CAPN5: variants seen among roughly 807,000 people sequenced by gnomAD.
CAPN5 encodes the protein calpain 5.
Under a neutral mutation model 73.0 loss-of-function variants are expected in CAPN5, and 54 were observed. That is an observed-to-expected ratio of 0.74 (90% CI 0.59 to 0.93). CAPN5 has a LOEUF of 0.93. CAPN5 is among the 40% of genes least tolerant of loss of function. The pLI is 0.00. For missense variants in CAPN5, 785 were observed against 882.9 expected (o/e 0.89, Z 1.41); for synonymous variants, 335 against 356.9 (o/e 0.94, Z 0.69).
At chr11:77,068,566 G>A (rs1591104561) in intron 1 of CAPN5, among the ~76,000 whole-genome samples, 1 of 152,286 alleles carries the variant, frequency 6.6e-6, no homozygotes, top group Admixed American at 6.5e-5. Flanking sequence ...ATGCTGGTGG[G>A]GTGGATTGCG....
intron 1 of CAPN5, among the ~76,000 whole-genome samples, chr11:77,077,408 C>G (rs1263759829): frequency 6.6e-6 from 1 of 151,742 alleles, no homozygotes; most frequent in Admixed American, 6.6e-5. Flanking sequence ...TATCTTTTGT[C>G]TTTTTTTAAT....
At chr11:77,071,215 C>G (rs527923601) in intron 1 of CAPN5, among the ~76,000 whole-genome samples, 8 of 152,202 alleles carry the variant, frequency 5.3e-5, no homozygotes, top group Non-Finnish European at 1.0e-4. Context: ...TGTCTGTCTC[C>G]CCTCCAGCCT....
chr11:77,116,020 G>T (rs997355529), intron 6 of CAPN5, among the ~76,000 whole-genome samples: 3 of 152,248 alleles, frequency 2.0e-5, no homozygotes, highest in African/African-American at 4.8e-5. Flanking sequence ...CCCTGTCATG[G>T]TGGCAGCTCA....
At chr11:77,111,882 A>G (rs1313835554) in intron 3 of CAPN5, among the ~76,000 whole-genome samples, 1 of 152,086 alleles carries the variant, frequency 6.6e-6, no homozygotes, top group Non-Finnish European at 1.5e-5. Flanking sequence ...ACACTAAAGG[A>G]CAAATGGAAG....
Position 77,123,909 on chromosome 11 carries a change from C to T in CAPN5, c.*39C>T, listed in dbSNP as rs1950549370. On this transcript the variant is annotated 3_prime_UTR_variant, in exon 13 of 13. Coordinates refer to ENST00000648180, the MANE Select transcript of CAPN5 (RefSeq NM_004055.5). ...ACCTGGCTCTGACCGTTCCCACCACCATCTGCATGTCCCCACTGGGCCTGA... is the reference window on the plus strand; with the variant it reads ...ACCTGGCTCTGACCGTTCCCACCACTATCTGCATGTCCCCACTGGGCCTGA... The T allele has an allele frequency of 2.5e-6, 4 of 1,586,602 alleles. No homozygotes were observed. The South Asian group carries it at 4.5e-5, about 18-fold the overall frequency.
At chr11:77,105,599 C>T (rs1950337683) in intron 3 of CAPN5, among the ~76,000 whole-genome samples, 1 of 152,174 alleles carries the variant, frequency 6.6e-6, no homozygotes, top group African/African-American at 2.4e-5. Context: ...CCGGCCTGTG[C>T]CTGGGTTTAG....
chr11:77,099,941 A>T (rs535605489), intron 3 of CAPN5, among the ~76,000 whole-genome samples: 1 of 151,778 alleles, frequency 6.6e-6, no homozygotes, highest in African/African-American at 2.4e-5. Context: ...GGTTCAAGTG[A>T]TTTTCCTGCC....
chr11:77,123,503 C>T (rs549814458), intron 12 of CAPN5, among the ~76,000 whole-genome samples, 185 bp from the exon 13 acceptor site: 1 of 152,282 alleles, frequency 6.6e-6, no homozygotes, highest in Admixed American at 6.5e-5. Flanking sequence ...AGCTGAGGAG[C>T]CTGAGGCTCT....
In CAPN5 at chr11:77,124,035, C is replaced by T. The variant is rs1950550272; in HGVS notation, c.*165C>T. 2 of 643,396 alleles carry T rather than the reference C, an allele frequency of 3.1e-6. No homozygotes were observed. Among genetic ancestry groups the T allele is most frequent in the Admixed American group, 6.0e-5 (2 of 33,518 alleles). 39.9% of individuals were successfully genotyped at this position (643,396 alleles called of 1,614,324 possible). On this transcript the variant is annotated 3_prime_UTR_variant, in exon 13 of 13. Transcript: ENST00000648180. ...TCTGCCCCTCTCTCAGCCTCAGTGT[C>T]CCGAGGGCCCCGAAGCATTCCATTC... is the stretch of plus-strand genomic sequence containing the variant.
intron 1 of CAPN5, 56 bp downstream of exon 1, chr11:77,067,150 CG>C (rs1302781045): frequency 3.4e-5 from 5 of 144,946 alleles, no homozygotes; most frequent in Admixed American, 6.8e-5. Context: ...GTGTGTGTTT[CG>C]GGGGGGTGTG....
chr11:77,103,029 C>T (rs782441166), intron 3 of CAPN5: 1 of 1,613,528 alleles, frequency 6.2e-7, no homozygotes, highest in South Asian at 1.1e-5. Context: ...GCAGCGGCTA[C>T]AGTTCGAGCG....
chr11:77,118,932 G>T, intron 8 of CAPN5, 98 bp from the exon 9 acceptor site: 1 of 1,356,270 alleles, frequency 7.4e-7, no homozygotes, highest in Non-Finnish European at 1.0e-6. Flanking sequence ...TGCTGTGACT[G>T]GTCCAGGCTC....
chr11:77,084,503 G>T (rs144703303), intron 1 of CAPN5, among the ~76,000 whole-genome samples: 2 of 152,324 alleles, frequency 1.3e-5, no homozygotes, highest in Non-Finnish European at 2.9e-5. Context: ...CAGCCAGGGA[G>T]CTGGCAGGGC....
chr11:77,108,160 T>C (rs1950370761), intron 3 of CAPN5, among the ~76,000 whole-genome samples: 1 of 152,208 alleles, frequency 6.6e-6, no homozygotes, highest in African/African-American at 2.4e-5. Flanking sequence ...GGGATTTTCC[T>C]CCCAGGAAGA....
intron 2 of CAPN5, among the ~76,000 whole-genome samples, chr11:77,092,299 G>A (rs938006750): frequency 7.2e-5 from 11 of 152,218 alleles, no homozygotes; most frequent in African/African-American, 2.4e-4. Flanking sequence ...TCAGAAAGCC[G>A]AGGCTCAGAG....
intron 3 of CAPN5, among the ~76,000 whole-genome samples, chr11:77,098,407 G>C (rs1160370396): frequency 2.7e-5 from 3 of 110,370 alleles, no homozygotes; most frequent in Admixed American, 8.3e-5. Context: ...CGGACCGGGC[G>C]GCTGGCCGGG....
At chr11:77,088,699 G>C (rs56269502) in intron 2 of CAPN5, among the ~76,000 whole-genome samples, 20,683 of 152,216 alleles carry the variant, frequency 0.14, 1,766 homozygotes, top group Middle Eastern at 0.2. Flanking sequence ...GACAAAGAGT[G>C]GGGGAGGAGG....
At chr11:77,122,545 C>CCTCA (rs1565281147) in intron 11 of CAPN5, 31 bp from the exon 12 acceptor site, 1 of 1,339,006 alleles carries the variant, frequency 7.5e-7, no homozygotes, top group Non-Finnish European at 1.1e-6. Flanking sequence ...CCACCCCCAC[C>CCTCA]CTCACCCCAT....
chr11:77,105,616 T>C (rs1591136482), intron 3 of CAPN5, among the ~76,000 whole-genome samples: 1 of 152,328 alleles, frequency 6.6e-6, no homozygotes, highest in East Asian at 1.9e-4. Flanking sequence ...TTAGTCTGGC[T>C]TCTGTCACTG....
Sources: allele counts gnomAD v4.1 joint callset (sites outside exome capture counted in the v4.1 genomes callset), GRCh38; gene constraint gnomAD v4.1.1; transcripts MANE v1.5; gene names NCBI Gene and HGNC (gene_info 2026-07-23, HGNC 2026-07-21).